The following JMJD6 variants were observed in gnomAD, a reference collection of about 807,000 sequenced individuals.
JMJD6 encodes bifunctional arginine demethylase and lysyl-hydroxylase JMJD6.
A neutral mutation model predicts 45.8 loss-of-function variants in JMJD6; 17 were observed. That is an observed-to-expected ratio of 0.37 (90% confidence interval 0.25 to 0.56). The LOEUF (loss-of-function observed/expected upper bound fraction) is 0.56. Among genes scored for constraint, JMJD6 ranks in the 20% least tolerant of loss-of-function variants. JMJD6 has a pLI of 0.79. For synonymous variants in JMJD6, 221 were observed against 196.3 expected, an observed-to-expected ratio of 1.13 and a Z score of -1.05; for missense variants, 470 against 517.5, an observed-to-expected ratio of 0.91 and a Z score of 0.89.
At chr17:76,719,703 A>T (rs764494183) in intron 5 of JMJD6, among the ~76,000 whole-genome samples, 2 of 152,226 alleles carry the variant, frequency 1.3e-5, no homozygotes, top group Non-Finnish European at 2.9e-5. Flanking sequence ...TTCACCATCC[A>T]TGGGGGAAAT....
chr17:76,725,769 C>G lies in JMJD6; in HGVS notation c.216G>C (p.Leu72Phe). The G allele has an allele frequency of 6.2e-7, 1 of 1,614,092 alleles. No individual in the cohort carries two copies. Among genetic ancestry groups the G allele is most frequent in the Non-Finnish European group, 8.5e-7 (1 of 1,180,018 alleles). The change falls in exon 2 of 6, where the codon TTG becomes TTC. Residue 72 changes from leucine to phenylalanine, a missense_variant. Around this residue, in one of 4 missense-constraint regions of JMJD6, gnomAD observed 346 missense variants for 339.5 expected, o/e 1.02. Coordinates refer to ENST00000397625, the MANE Select transcript of JMJD6 (RefSeq NM_015167.3). ...RYERPYKPVV[L>F]LNAQEGWSAQ... ...CAGACCAGCCCTCTTGCGCATTCAA[C>G]AAAACCACGGGCTTGTAAGGTCTTT...
At chr17:76,718,328 C>T, downstream of JMJD6, 1 of 633,642 alleles carries the variant, frequency 1.6e-6, no homozygotes, top group Non-Finnish European at 2.2e-6. Flanking sequence ...CCCTACGCTG[C>T]TGGGACGACG....
downstream of JMJD6, chr17:76,716,669 A>G (rs2076766490): frequency 6.2e-7 from 1 of 1,613,774 alleles, no homozygotes; most frequent in Admixed American, 1.7e-5. Context: ...CACCTCAGGG[A>G]GAGTCTCTTT....
At chr17:76,725,355 G>A (rs1452920316) in intron 2 of JMJD6, 112 bp downstream of exon 2, 5 of 1,044,728 alleles carry the variant, frequency 4.8e-6, no homozygotes, top group Middle Eastern at 3.2e-4. Context: ...GCTGTGAGCC[G>A]AGATCGCACC....
chr17:76,719,197 T>C (rs1029166918), intron 5 of JMJD6, among the ~76,000 whole-genome samples: 1 of 152,174 alleles, frequency 6.6e-6, no homozygotes, highest in Non-Finnish European at 1.5e-5. Flanking sequence ...CAGAGCTTGA[T>C]ATATGAAAGA....
chr17:76,726,504 C>A lies in JMJD6; in HGVS notation c.-29G>T, dbSNP rs1309763245. ...GCGGGGTCGCCAGCTGGTTCCGCTA[C>A]GACCTCGGCGCAGCCCGCTTCCTGA... On this transcript the variant is annotated 5_prime_UTR_variant, in exon 1 of 6. Transcript: ENST00000397625. 1.3e-6 allele frequency: 2 copies of A among 1,578,676 alleles called. No homozygotes were observed. The highest frequency in any genetic ancestry group is 1.7e-6 in the Non-Finnish European group (2 of 1,163,714).
chr17:76,725,149 C>T (rs898899895), intron 2 of JMJD6, among the ~76,000 whole-genome samples: 1 of 152,286 alleles, frequency 6.6e-6, no homozygotes, highest in East Asian at 1.9e-4. Context: ...TGGCTCACAC[C>T]TGCAATCGCA....
At chr17:76,718,903 A>G (rs749252375) in intron 5 of JMJD6, 43 bp from the exon 6 acceptor site, 2 of 1,592,134 alleles carry the variant, frequency 1.3e-6, no homozygotes, top group Non-Finnish European at 1.7e-6. Flanking sequence ...ACCTGGATGC[A>G]ACCCACTTCT....
At chr17:76,719,792 TAAATCCCC>T (rs60860639) in intron 5 of JMJD6, among the ~76,000 whole-genome samples, 3,838 of 152,292 alleles carry the variant, frequency 0.025, 165 homozygotes, top group African/African-American at 0.087. Flanking sequence ...TTTACTTCAC[TAAATCCCC>T]AAATACCCCT....
intron 4 of JMJD6, 43 bp downstream of exon 4, chr17:76,721,755 C>T (rs1464691251): frequency 6.9e-6 from 11 of 1,599,948 alleles, no homozygotes; most frequent in Admixed American, 1.7e-5. Flanking sequence ...TCTCTGGGGT[C>T]GAAATTGAAA....
In JMJD6 at chr17:76,725,531, C is replaced by T. The variant is rs2076906841; in HGVS notation, c.454G>A (p.Val152Met). 3 of 1,614,068 alleles carry T rather than the reference C, an allele frequency of 1.9e-6. No individual in the cohort carries two copies. Among genetic ancestry groups the T allele is most frequent in the Non-Finnish European group, 1.7e-6 (2 of 1,180,012 alleles). Residue 152 changes from valine to methionine, a missense_variant, in exon 2 of 6, where the codon GTG (valine) becomes ATG (methionine). Coordinates refer to ENST00000397625, the MANE Select transcript of JMJD6 (RefSeq NM_015167.3). ...KRRKLLEDYK[V>M]PKFFTDDLFQ... ...AGGTCATCAGTGAAAAACTTTGGCACCTTGTAGTCTTCCAAAAGTTTCCTT... is the reference window on the plus strand; with the variant it reads ...AGGTCATCAGTGAAAAACTTTGGCATCTTGTAGTCTTCCAAAAGTTTCCTT...
At chr17:76,714,837 TG>T (rs912550893), downstream of JMJD6, 1 of 152,218 alleles carries the variant, frequency 6.6e-6, no homozygotes, top group African/African-American at 2.4e-5. Context: ...TTTTGAGAGA[TG>T]GGATCTCACT....
At chr17:76,725,196 G>C (rs968119174) in intron 2 of JMJD6, among the ~76,000 whole-genome samples, 1 of 152,154 alleles carries the variant, frequency 6.6e-6, no homozygotes, top group African/African-American at 2.4e-5. Context: ...ATCACCTGAA[G>C]TCGGGAGTTC....
chr17:76,721,609 G>C (rs1000567446), intron 4 of JMJD6, among the ~76,000 whole-genome samples, 189 bp downstream of exon 4: 8 of 152,094 alleles, frequency 5.3e-5, no homozygotes, highest in African/African-American at 1.9e-4. Context: ...CTGCCACCTC[G>C]AGGCTGGCGA....
At chr17:76,713,000 G>A (rs890332862) in exon 7 of JMJD6, 10 of 152,214 alleles carry the variant, frequency 6.6e-5, no homozygotes, top group Non-Finnish European at 1.5e-4. Flanking sequence ...CAGGAGGCAC[G>A]AGTGTGCAGA....
chr17:76,718,804 C>G lies in JMJD6; in HGVS notation c.1137G>C (p.Thr379=), dbSNP rs188024492. 3.7e-6 allele frequency: 6 copies of G among 1,614,132 alleles called. No homozygotes were observed. The highest frequency in any genetic ancestry group is 1.7e-5 in the Admixed American group (1 of 60,006). Residue 379 remains threonine (T), a synonymous_variant, in exon 6 of 6, where the codon ACG becomes ACC. Transcript: ENST00000397625. The stretch of plus-strand genomic sequence containing the variant: ...TGTCCCCGTTTCCCACCATGCTGCA[C>G]GTCCTCCTCTTCTTCCTGCGGTGCA... ...GTVHRRKKRR[T]CSMVGNGDTT... is the part of the protein sequence containing the mutation.
Position 76,725,688 on chromosome 17 carries a change from G to A in JMJD6, c.297C>T (p.Phe99=), listed in dbSNP as rs1382001261. 2 of 1,614,024 alleles carry A rather than the reference G, an allele frequency of 1.2e-6. No individual in the cohort carries two copies. Among genetic ancestry groups the A allele is most frequent in the Admixed American group, 1.7e-5 (1 of 60,000 alleles). The change falls in exon 2 of 6, where the codon TTC becomes TTT. Residue 99 remains phenylalanine, a synonymous_variant. Transcript: ENST00000397625. ...AGCCATCGTTATCCTCACCACACTT[G>A]AACTTCTGGTTCCGATATTTCCTTT... The part of the protein sequence containing the change: ...RLKRKYRNQK[F]KCGEDNDGYS...
At chr17:76,716,085 T>A (rs1185433556), downstream of JMJD6, 1 of 147,024 alleles carries the variant, frequency 6.8e-6, no homozygotes, top group African/African-American at 2.5e-5. Context: ...CACAAAAAAA[T>A]ACACTGTACA....
chr17:76,716,856 CTTACAAA>C (rs2076768656), downstream of JMJD6: 2 of 777,232 alleles, frequency 2.6e-6, no homozygotes, highest in Admixed American at 2.4e-5. Flanking sequence ...CCAGAGTTTT[CTTACAAA>C]TTACAAAGTC....
Sources: gnomAD v4.1 joint callset for allele counts (sites outside exome capture counted in the v4.1 genomes callset) on GRCh38, gnomAD v4.1.1 for gene constraint, gnomAD v4.1.1 regional missense constraint, MANE v1.5 for transcripts, NCBI Gene and HGNC (gene_info 2026-07-23, HGNC 2026-07-21) for gene names.